Variants in CSMD1 observed in about 807,000 individuals in gnomAD.
CSMD1 encodes CUB and Sushi multiple domains 1.
CSMD1 carries 213 observed loss-of-function variants against 417.5 expected under a neutral mutation model. The ratio of observed to expected loss-of-function variants is 0.51; its 90% CI spans 0.46 to 0.57. The LOEUF (loss-of-function observed/expected upper bound fraction) is 0.57. Ranked by LOEUF, CSMD1 falls within the 20% of genes least tolerant of loss-of-function variation. CSMD1 has a pLI of 0.00. For missense variants in CSMD1, 6,923 were observed against 4,529.7 expected, an observed-to-expected ratio of 1.53 and a Z score of -15.17; for synonymous variants, 2,862 against 1,736.8, an observed-to-expected ratio of 1.65 and a Z score of -16.11.
intron 52 of CSMD1, among the ~76,000 whole-genome samples, chr8:3,002,990 T>C (rs1807545936): frequency 6.6e-6 from 1 of 152,250 alleles, no homozygotes; most frequent in Non-Finnish European, 1.5e-5. Flanking sequence ...AGCTTCCTAA[T>C]ACAGAACAAT....
At chr8:4,373,332 T>C (rs761797617) in intron 3 of CSMD1, among the ~76,000 whole-genome samples, 1 of 152,208 alleles carries the variant, frequency 6.6e-6, no homozygotes, top group East Asian at 1.9e-4. Flanking sequence ...GTATGCGACA[T>C]AGGATTTTTA....
intron 5 of CSMD1, among the ~76,000 whole-genome samples, chr8:3,905,333 C>G (rs886158901): frequency 6.6e-6 from 1 of 152,100 alleles, no homozygotes; most frequent in South Asian, 2.1e-4. Context: ...GATCTTAAAT[C>G]CAACATAAAA....
chr8:4,239,174 T>A (rs1802241488), intron 3 of CSMD1, among the ~76,000 whole-genome samples: 1 of 152,250 alleles, frequency 6.6e-6, no homozygotes, highest in South Asian at 2.1e-4. Flanking sequence ...CAGAGTTGAA[T>A]GAACTATCTT....
chr8:3,599,700 T>A (rs1216978532), intron 8 of CSMD1, among the ~76,000 whole-genome samples: 2 of 152,234 alleles, frequency 1.3e-5, no homozygotes, highest in African/African-American at 4.8e-5. Context: ...CCTTTGAGTA[T>A]CTGCTGCATG....
At chr8:4,790,823 A>G (rs1181520950) in intron 1 of CSMD1, among the ~76,000 whole-genome samples, 1 of 152,210 alleles carries the variant, frequency 6.6e-6, no homozygotes, top group African/African-American at 2.4e-5. Context: ...ACCATATAAG[A>G]AAATCAACAC....
At chr8:4,115,036 T>C (rs538145411) in intron 3 of CSMD1, among the ~76,000 whole-genome samples, 15 of 152,210 alleles carry the variant, frequency 9.9e-5, no homozygotes, top group African/African-American at 2.9e-4. Flanking sequence ...TTTGAAAGAA[T>C]TGATTCAAAT....
At chr8:4,579,149 G>A (rs1010072583) in intron 2 of CSMD1, among the ~76,000 whole-genome samples, 8 of 151,874 alleles carry the variant, frequency 5.3e-5, no homozygotes, top group Non-Finnish European at 8.8e-5. Context: ...ATGAAAAAGT[G>A]GCCTGTGAGG....
intron 1 of CSMD1, among the ~76,000 whole-genome samples, chr8:4,989,036 A>T (rs990065678): frequency 2.0e-5 from 3 of 152,258 alleles, no homozygotes; most frequent in African/African-American, 7.2e-5. Context: ...TAAAGTCCTT[A>T]TGGAAAAGAC....
chr8:4,031,602 G>C (rs1446688653), intron 4 of CSMD1, among the ~76,000 whole-genome samples: 3 of 152,010 alleles, frequency 2.0e-5, no homozygotes, highest in African/African-American at 4.8e-5. Context: ...TCATAAACTT[G>C]CTATTGACTT....
rs371520034 is a variant in CSMD1, at chr8:3,777,532, C to T, written c.819-23490G>A. 5.5e-4 allele frequency among the ~76,000 whole-genome samples: 84 copies of T among 152,292 alleles called. 1 individual carries two copies. The South Asian group carries it at 0.012, about 22-fold the overall frequency. On this transcript the variant is annotated intron_variant, in intron 5 of 69. Coordinates refer to ENST00000635120, the MANE Select transcript of CSMD1 (RefSeq NM_033225.6). ...CTGAGCACCATAAAATCCTACAGGA[C>T]GGAGGGCTTTCTCCTCCAGGCTCCC...
chr8:4,335,088 G>C (rs939151729), intron 3 of CSMD1, among the ~76,000 whole-genome samples: 1 of 152,096 alleles, frequency 6.6e-6, no homozygotes, highest in African/African-American at 2.4e-5. Flanking sequence ...TTTGTGTAGA[G>C]ACAGAGCCAC....
rs889860934 is a variant in CSMD1, at chr8:3,187,986, G to T, written c.5524-21C>A. 3 of 1,599,938 alleles carry T rather than the reference G, an allele frequency of 1.9e-6. No homozygotes were observed. The African/African-American group carries it at 4.0e-5, about 22-fold the overall frequency. On this transcript the variant is annotated intron_variant, in intron 35 of 69. Transcript: ENST00000635120. ...TGGATCTACCAAACCATGACATTAA[G>T]TTAATATTTATTTTTGGCTTAACAC...
chr8:3,454,139 G>T (rs1225268772), intron 12 of CSMD1, among the ~76,000 whole-genome samples: 2 of 152,084 alleles, frequency 1.3e-5, no homozygotes, highest in African/African-American at 4.8e-5. Context: ...TGCAACCCCT[G>T]CCTTTTTTTG....
At chr8:4,116,534 G>A (rs530270127) in intron 3 of CSMD1, among the ~76,000 whole-genome samples, 2 of 66,290 alleles carry the variant, frequency 3.0e-5, no homozygotes. Context: ...CAGGTACCTG[G>A]ATGGAACAAA....
intron 3 of CSMD1, among the ~76,000 whole-genome samples, chr8:4,205,099 A>G (rs954154631): frequency 2.0e-5 from 3 of 152,252 alleles, no homozygotes; most frequent in Admixed American, 6.5e-5. Flanking sequence ...TGCTTTAAAA[A>G]GAAACATGAT....
intron 1 of CSMD1, among the ~76,000 whole-genome samples, chr8:4,846,411 C>G (rs1030447767): frequency 4.6e-5 from 7 of 152,186 alleles, no homozygotes; most frequent in African/African-American, 1.7e-4. Context: ...ACTAACTCAG[C>G]CAGTGCCCCA....
chr8:4,674,790 C>G (rs899226407), intron 1 of CSMD1, among the ~76,000 whole-genome samples: 1 of 152,172 alleles, frequency 6.6e-6, no homozygotes, highest in East Asian at 1.9e-4. Flanking sequence ...TCGTGTCCCC[C>G]TCCAAAATTC....
intron 3 of CSMD1, among the ~76,000 whole-genome samples, chr8:4,257,266 C>G (rs926195387): frequency 2.0e-5 from 3 of 152,128 alleles, no homozygotes; most frequent in Admixed American, 1.3e-4. Context: ...TTATACCAGT[C>G]TTTCTGTACC....
chr8:4,667,830 T>G (rs1805035323), intron 1 of CSMD1, among the ~76,000 whole-genome samples: 1 of 152,300 alleles, frequency 6.6e-6, no homozygotes, highest in African/African-American at 2.4e-5. Flanking sequence ...ATCCTTCCAA[T>G]TTGTAAACCT....
Sources: gnomAD v4.1 joint callset for allele counts (sites outside exome capture counted in the v4.1 genomes callset) on GRCh38, gnomAD v4.1.1 for gene constraint, MANE v1.5 for transcripts, NCBI Gene and HGNC (gene_info 2026-07-23, HGNC 2026-07-21) for gene names.